The following TPX2 variants were observed in gnomAD, a reference collection of about 807,000 sequenced individuals.
TPX2 encodes TPX2 microtubule nucleation factor.
Under a neutral mutation model 93.6 loss-of-function variants are expected in TPX2, and 21 were observed. The ratio of observed to expected loss-of-function variants is 0.22; its 90% CI spans 0.16 to 0.32. The LOEUF is 0.32. TPX2 is among the 10% of genes least tolerant of loss of function. The pLI is 1.00. For missense variants in TPX2, 776 were observed against 871.1 expected, an observed-to-expected ratio of 0.89 and a Z score of 1.37; for synonymous variants, 281 against 298.3, an observed-to-expected ratio of 0.94 and a Z score of 0.60.
intron 15 of TPX2, 112 bp downstream of exon 15, chr20:31,794,660 T>C: frequency 1.5e-6 from 2 of 1,359,502 alleles, no homozygotes; most frequent in Non-Finnish European, 2.0e-6. Context: ...TTTCAGGGGC[T>C]CTCACTGTAA....
chr20:31,771,916 A>G (rs1255201301), intron 7 of TPX2, among the ~76,000 whole-genome samples: 1 of 151,968 alleles, frequency 6.6e-6, no homozygotes, highest in Non-Finnish European at 1.5e-5. Flanking sequence ...CAGTGATGCA[A>G]TCATGGCTCA....
intron 17 of TPX2, among the ~76,000 whole-genome samples, chr20:31,799,596 T>C (rs1355227850): frequency 6.6e-6 from 1 of 152,082 alleles, no homozygotes; most frequent in Non-Finnish European, 1.5e-5. Context: ...TACAGTGTTA[T>C]CTGTCAATTA....
intron 3 of TPX2, among the ~76,000 whole-genome samples, chr20:31,758,789 A>G (rs2061868325): frequency 6.6e-6 from 1 of 152,122 alleles, no homozygotes; most frequent in South Asian, 2.1e-4. Context: ...AAATAAATAC[A>G]AGGGCCAGCT....
chr20:31,763,581 G>A (rs1228342484), intron 4 of TPX2, among the ~76,000 whole-genome samples: 1 of 151,874 alleles, frequency 6.6e-6, no homozygotes, highest in African/African-American at 2.4e-5. Context: ...CTGTAATTAT[G>A]GATTTGTCTC....
intron 12 of TPX2, among the ~76,000 whole-genome samples, chr20:31,790,722 A>T (rs1297934097): frequency 6.6e-6 from 1 of 152,198 alleles, no homozygotes; most frequent in Non-Finnish European, 1.5e-5. Context: ...GCATTCATTC[A>T]ACAAACATTT....
chr20:31,766,640 T>A lies in TPX2; in HGVS notation c.314T>A (p.Val105Asp). ...TCAAATGCTTGTTCTTCCCTGGAAGTTGAGGCAGCCATATCAAGAAAAACT... is the reference window on the plus strand; with the variant it reads ...TCAAATGCTTGTTCTTCCCTGGAAGATGAGGCAGCCATATCAAGAAAAACT... The part of the protein sequence containing the change: ...IPSNACSSLE[V>D]EAAISRKTPA... Residue 105 changes from valine to aspartate, a missense_variant, in exon 5 of 18, where the codon GTT (valine) becomes GAT (aspartate). This residue lies in a region of TPX2 where 279 missense variants were observed against 261.6 expected (regional missense o/e 1.07). Coordinates refer to ENST00000300403, the MANE Select transcript of TPX2 (RefSeq NM_012112.5). The A allele has an allele frequency of 6.2e-7, 1 of 1,613,890 alleles. No homozygotes were observed.
At chr20:31,788,173 T>C (rs2062078617) in intron 12 of TPX2, among the ~76,000 whole-genome samples, 1 of 152,014 alleles carries the variant, frequency 6.6e-6, no homozygotes, top group Non-Finnish European at 1.5e-5. Flanking sequence ...TCCCAACACT[T>C]TGGGAAGCCA....
rs1260930279 is a variant in TPX2 at position 31,782,298 on chromosome 20, G to A, written c.1104G>A (p.Gln368=). Reference sequence around the variant, plus strand: ...TGACCAAGATTTGCAGAGACCCACAGACTCCTGTACTGCAAACCAAACACC... The same window carrying A: ...TGACCAAGATTTGCAGAGACCCACAAACTCCTGTACTGCAAACCAAACACC... ...SSVTKICRDP[Q]TPVLQTKHRA... Residue 368 remains glutamine, a synonymous_variant, in exon 11 of 18, where the codon CAG becomes CAA. Transcript: ENST00000300403. The A allele has an allele frequency of 2.5e-6, 4 of 1,613,718 alleles. No individual in the cohort carries two copies. The highest frequency in any genetic ancestry group is 3.4e-6 in the Non-Finnish European group (4 of 1,179,834).
chr20:31,787,609 G>T (rs895648119), intron 12 of TPX2, among the ~76,000 whole-genome samples: 1 of 152,162 alleles, frequency 6.6e-6, no homozygotes, highest in African/African-American at 2.4e-5. Flanking sequence ...ATTTTAAGGG[G>T]AAAGGGTGGA....
At chr20:31,741,296 G>GT (rs1568917201) in intron 1 of TPX2, among the ~76,000 whole-genome samples, 2 of 150,524 alleles carry the variant, frequency 1.3e-5, no homozygotes, top group African/African-American at 2.4e-5. Context: ...CTATAGAGTT[G>GT]TTTTTTTTGT....
chr20:31,771,488 A>G, intron 6 of TPX2, 72 bp from the exon 7 acceptor site: 1 of 1,537,616 alleles, frequency 6.5e-7, no homozygotes, highest in Non-Finnish European at 8.7e-7. Flanking sequence ...CATATGCAGT[A>G]GATTTGGGGA....
At chr20:31,791,492 G>T (rs950753099) in intron 12 of TPX2, among the ~76,000 whole-genome samples, 3 of 152,166 alleles carry the variant, frequency 2.0e-5, no homozygotes, top group Non-Finnish European at 4.4e-5. Flanking sequence ...CACCGTGTTA[G>T]CCAGGATAGT....
intron 4 of TPX2, 70 bp downstream of exon 4, chr20:31,760,249 TGGGAAAA>T: frequency 6.3e-7 from 1 of 1,580,748 alleles, no homozygotes; most frequent in Non-Finnish European, 8.6e-7. Context: ...CCTGAGGTTC[TGGGAAAA>T]TTACCTAAAT....
chr20:31,778,853 A>C lies in TPX2; in HGVS notation c.923A>C (p.Asn308Thr). 1 of 1,608,404 alleles carries C rather than the reference A, an allele frequency of 6.2e-7. No homozygotes were observed. The highest frequency in any genetic ancestry group is 8.5e-7 in the Non-Finnish European group (1 of 1,178,248). Residue 308 changes from asparagine (N) to threonine (T), a missense_variant, in exon 10 of 18, where the codon AAC (asparagine) becomes ACC (threonine). Transcript: ENST00000300403. ...TKGCTIVKPF[N>T]LSQGKKRTFD... ...GGATGTACCATTGTTAAGCCTTTCAACCTGTCCCAAGGAAAGAAAAGAACA... is the reference window on the plus strand; with the variant it reads ...GGATGTACCATTGTTAAGCCTTTCACCCTGTCCCAAGGAAAGAAAAGAACA...
At chr20:31,764,128 A>G (rs1233524620) in intron 4 of TPX2, among the ~76,000 whole-genome samples, 3 of 151,354 alleles carry the variant, frequency 2.0e-5, no homozygotes, top group Non-Finnish European at 2.9e-5. Context: ...GTGTGTATAT[A>G]TGTACATATA....
intron 2 of TPX2, among the ~76,000 whole-genome samples, chr20:31,749,583 G>T (rs1267559315): frequency 1.3e-5 from 2 of 151,990 alleles, no homozygotes; most frequent in Non-Finnish European, 2.9e-5. Flanking sequence ...ATCACTTGAG[G>T]TCAGGAGTTC....
chr20:31,779,605 G>C (rs1022605330), intron 10 of TPX2, among the ~76,000 whole-genome samples: 2 of 152,230 alleles, frequency 1.3e-5, no homozygotes, highest in African/African-American at 4.8e-5. Context: ...TATGGCAGGG[G>C]ATTTTGAGGA....
At chr20:31,789,761 T>C (rs2062088798) in intron 12 of TPX2, among the ~76,000 whole-genome samples, 1 of 152,154 alleles carries the variant, frequency 6.6e-6, no homozygotes, top group Admixed American at 6.5e-5. Context: ...AAATCATCTT[T>C]TCCTCTCCCC....
At chr20:31,763,069 A>G (rs1447879591) in intron 4 of TPX2, among the ~76,000 whole-genome samples, 12 of 152,226 alleles carry the variant, frequency 7.9e-5, no homozygotes, top group Non-Finnish European at 4.4e-5. Flanking sequence ...TGTTATGGTT[A>G]CTATAGCTTT....
Sources: gnomAD v4.1 joint callset for allele counts (sites outside exome capture counted in the v4.1 genomes callset) on GRCh38, gnomAD v4.1.1 for gene constraint, gnomAD v4.1.1 regional missense constraint, MANE v1.5 for transcripts, NCBI Gene and HGNC (gene_info 2026-07-23, HGNC 2026-07-21) for gene names.